TFDP1: variants seen among roughly 807,000 people sequenced by gnomAD.
TFDP1 encodes the protein transcription factor Dp-1, also known as DRTF1-polypeptide 1.
A neutral mutation model predicts 48.0 loss-of-function variants in TFDP1; 6 were observed. The ratio of observed to expected loss-of-function variants is 0.13; its 90% CI spans 0.07 to 0.25. The LOEUF (loss-of-function observed/expected upper bound fraction) is 0.25. TFDP1 is among the 10% of genes least tolerant of loss of function. TFDP1 has a pLI of 1.00. For missense variants in TFDP1, 335 were observed against 543.0 expected, an observed-to-expected ratio of 0.62 and a Z score of 3.81; for synonymous variants, 201 against 211.6, an observed-to-expected ratio of 0.95 and a Z score of 0.44.
chr13:113,634,156 C>T (rs750587147), intron 7 of TFDP1, 123 bp downstream of exon 7: 18 of 1,400,004 alleles, frequency 1.3e-5, no homozygotes, highest in East Asian at 2.3e-5. Context: ...GGCTGGCAGA[C>T]GGTCATGCAG....
intron 10 of TFDP1, chr13:113,637,181 C>T (rs1329584782): frequency 5.6e-6 from 1 of 179,150 alleles, no homozygotes; most frequent in Non-Finnish European, 1.2e-5. Flanking sequence ...TTTTTCTGTT[C>T]TGGTGAATTC....
chr13:113,637,419 A>G (rs904956654), intron 10 of TFDP1, among the ~76,000 whole-genome samples: 4 of 152,232 alleles, frequency 2.6e-5, no homozygotes, highest in Non-Finnish European at 5.9e-5. Flanking sequence ...CTGGCCGCCC[A>G]CGTGGGCTGG....
At chr13:113,631,939 AG>A in intron 5 of TFDP1, 195 bp downstream of exon 5, 2 of 733,824 alleles carry the variant, frequency 2.7e-6, no homozygotes, top group Non-Finnish European at 4.2e-6. Flanking sequence ...TCGGTCATGG[AG>A]AAGTCGGGCT....
intron 2 of TFDP1, chr13:113,586,094 T>A: frequency 2.5e-6 from 1 of 403,026 alleles, no homozygotes; most frequent in Non-Finnish European, 4.4e-6. Context: ...GGGTGGTGCC[T>A]TCTGACTTTT....
intron 2 of TFDP1, among the ~76,000 whole-genome samples, chr13:113,600,402 C>G (rs1415879376): frequency 1.4e-5 from 2 of 148,034 alleles, no homozygotes; most frequent in African/African-American, 5.0e-5. Context: ...AAGCGAGAAT[C>G]CTTGCACTTA....
chr13:113,633,314 G>T lies in TFDP1; in HGVS notation c.474+29G>T, dbSNP rs2049386050. 1 of 1,603,838 alleles carries T rather than the reference G, an allele frequency of 6.2e-7. No homozygotes were observed. Among genetic ancestry groups the T allele is most frequent in the African/African-American group, 1.3e-5 (1 of 74,734 alleles). On this transcript the variant is annotated intron_variant, in intron 6 of 11. Coordinates refer to ENST00000375370, the MANE Select transcript of TFDP1 (RefSeq NM_007111.5). The surrounding 1 kb of genome is among the most constrained non-coding windows in gnomAD (Gnocchi z 4.5). ...AGTGTGTGCCGGGGGCCGAGAGGCTGGGGTGGCGGAGCCCAGCGGTGTGGT... is the reference window on the plus strand; with the variant it reads ...AGTGTGTGCCGGGGGCCGAGAGGCTTGGGTGGCGGAGCCCAGCGGTGTGGT...
At chr13:113,620,457 G>A (rs1029370348) in intron 3 of TFDP1, among the ~76,000 whole-genome samples, 4 of 152,242 alleles carry the variant, frequency 2.6e-5, no homozygotes, top group Admixed American at 2.0e-4. Flanking sequence ...ATTGAAATTA[G>A]AGACTCGTTT....
At position 113,623,017 on chromosome 13, in the gene TFDP1, A is replaced by G. The variant is rs2049033539; in HGVS notation, c.80-163A>G. On this transcript the variant is annotated intron_variant, in intron 3 of 11. Coordinates refer to ENST00000375370, the MANE Select transcript of TFDP1 (RefSeq NM_007111.5). This position sits in a 1 kb window ranked among gnomAD's most constrained non-coding sequence, Gnocchi z 5.2. ...CCTTACGGGTTTACATTGGGAATCA[A>G]GCTTCATGGAGGTGTTGCTCTTGAG... Among the ~76,000 whole-genome samples, 1 of 152,252 alleles carries G rather than the reference A, an allele frequency of 6.6e-6. No individual in the cohort carries two copies. The highest frequency in any genetic ancestry group is 2.1e-4 in the South Asian group (1 of 4,838).
intron 3 of TFDP1, among the ~76,000 whole-genome samples, chr13:113,616,698 T>A (rs2140439107): frequency 6.6e-6 from 1 of 152,316 alleles, no homozygotes; most frequent in Middle Eastern, 3.4e-3. Flanking sequence ...AGAAGCTTAG[T>A]GTTGCTTACG....
chr13:113,603,491 G>A (rs2048491272), intron 2 of TFDP1, among the ~76,000 whole-genome samples: 1 of 152,246 alleles, frequency 6.6e-6, no homozygotes, highest in South Asian at 2.1e-4. Context: ...ATGGAAATTA[G>A]TCACATTCGT....
chr13:113,617,100 C>T (rs2048876922), intron 3 of TFDP1, among the ~76,000 whole-genome samples: 1 of 152,106 alleles, frequency 6.6e-6, no homozygotes, highest in African/African-American at 2.4e-5. Context: ...GGACTAGCAC[C>T]CGTGTGTTCT....
At chr13:113,585,568 A>G in intron 1 of TFDP1, 1 of 355,324 alleles carries the variant, frequency 2.8e-6, no homozygotes, top group South Asian at 4.6e-5. Flanking sequence ...CCCGCGGGCC[A>G]CTTTTCCGCA....
chr13:113,628,896 C>T (rs553825238), intron 4 of TFDP1, among the ~76,000 whole-genome samples: 4 of 152,238 alleles, frequency 2.6e-5, no homozygotes, highest in African/African-American at 9.6e-5. Flanking sequence ...AGGCCGGGGG[C>T]CTGCTCCATG....
At chr13:113,618,343 G>A (rs952243661) in intron 3 of TFDP1, among the ~76,000 whole-genome samples, 1 of 152,126 alleles carries the variant, frequency 6.6e-6, no homozygotes, top group Admixed American at 6.6e-5. Flanking sequence ...GTGATGTGGC[G>A]AAACTCTGTC....
intron 2 of TFDP1, among the ~76,000 whole-genome samples, chr13:113,590,953 T>C (rs938656446): frequency 1.8e-3 from 228 of 125,722 alleles, no homozygotes; most frequent in African/African-American, 6.6e-3. Context: ...GAGCTTGCAG[T>C]GAGCAGAGAT....
intron 3 of TFDP1, among the ~76,000 whole-genome samples, chr13:113,617,657 C>T (rs113806869): frequency 9.4e-5 from 12 of 127,046 alleles, no homozygotes; most frequent in South Asian, 4.5e-4. Flanking sequence ...CCTGCAGAGC[C>T]GCTCACCTGC....
At chr13:113,613,208 G>A (rs1050561387) in intron 3 of TFDP1, among the ~76,000 whole-genome samples, 1 of 152,206 alleles carries the variant, frequency 6.6e-6, no homozygotes, top group Non-Finnish European at 1.5e-5. Context: ...TAGAGATGGG[G>A]TTTCACCATG....
At chr13:113,593,312 G>C (rs1456516563) in intron 2 of TFDP1, among the ~76,000 whole-genome samples, 6 of 134,816 alleles carry the variant, frequency 4.5e-5, no homozygotes, top group African/African-American at 1.5e-4. Flanking sequence ...GACAGGTGTG[G>C]TGTGCGCAGG....
chr13:113,637,518 T>C, intron 10 of TFDP1: 8 of 1,204,940 alleles, frequency 6.6e-6, no homozygotes, highest in Non-Finnish European at 8.8e-6. Flanking sequence ...TTGATTCGGT[T>C]CCGTTTCACG....
Sources: allele counts gnomAD v4.1 joint callset (sites outside exome capture counted in the v4.1 genomes callset), GRCh38; gene constraint gnomAD v4.1.1; non-coding constraint Gnocchi (gnomAD v3.1); transcripts MANE v1.5; gene names NCBI Gene and HGNC (gene_info 2026-07-23, HGNC 2026-07-21).